The following ST18 variants were observed in gnomAD, a reference collection of about 807,000 sequenced individuals.
ST18 encodes the protein ST18 C2H2C-type zinc finger transcription factor, also known as suppression of tumorigenicity 18 protein.
In ST18, 50 loss-of-function variants were observed where a neutral mutation model predicts 110.0. The ratio of observed to expected loss-of-function variants is 0.45; its 90% CI spans 0.36 to 0.58. The LOEUF is 0.58. Ranked by LOEUF, ST18 falls within the 20% of genes least tolerant of loss-of-function variation. ST18 has a pLI of 0.00. For synonymous variants in ST18, 461 were observed against 452.4 expected (o/e 1.02, Z -0.24); for missense variants, 1,306 against 1,280.1 (o/e 1.02, Z -0.31).
At chr8:52,342,478 T>C (rs1815552346) in intron 2 of ST18, among the ~76,000 whole-genome samples, 1 of 152,244 alleles carries the variant, frequency 6.6e-6, no homozygotes, top group Non-Finnish European at 1.5e-5. Flanking sequence ...TTTATGATGT[T>C]CCAGACCACG....
At chr8:52,240,957 C>T (rs897072209) in intron 2 of ST18, among the ~76,000 whole-genome samples, 7 of 152,320 alleles carry the variant, frequency 4.6e-5, no homozygotes, top group African/African-American at 9.6e-5. Flanking sequence ...CATCACCACC[C>T]GGTTGTCTCT....
intron 2 of ST18, among the ~76,000 whole-genome samples, chr8:52,374,351 G>C (rs1317112403): frequency 6.6e-6 from 1 of 152,002 alleles, no homozygotes; most frequent in East Asian, 1.9e-4. Context: ...AGAAGCCGGG[G>C]AACACAGAGG....
chr8:52,383,517 C>G (rs936388819), intron 2 of ST18, among the ~76,000 whole-genome samples: 13 of 147,042 alleles, frequency 8.8e-5, no homozygotes, highest in Non-Finnish European at 7.5e-5. Context: ...GGCGTGATCT[C>G]AACTCACTGC....
chr8:52,385,227 G>A (rs145544015), intron 2 of ST18, among the ~76,000 whole-genome samples: 63 of 152,296 alleles, frequency 4.1e-4, no homozygotes, highest in South Asian at 8.3e-4. Flanking sequence ...CTCTTGTCAT[G>A]GCTAAGACAT....
intron 2 of ST18, among the ~76,000 whole-genome samples, chr8:52,330,540 AC>A (rs140503836): frequency 0.15 from 23,504 of 152,238 alleles, 2,058 homozygotes; most frequent in African/African-American, 0.25. Context: ...GGGCCCAGGA[AC>A]CTTTTGGTAG....
chr8:52,131,186 T>C (rs959527375), intron 22 of ST18, among the ~76,000 whole-genome samples: 20 of 152,248 alleles, frequency 1.3e-4, no homozygotes, highest in Admixed American at 9.2e-4. Flanking sequence ...TTTACACTGC[T>C]TATATACAAA....
intron 15 of ST18, among the ~76,000 whole-genome samples, chr8:52,156,365 A>C (rs2060017793): frequency 6.6e-6 from 1 of 152,212 alleles, no homozygotes; most frequent in Non-Finnish European, 1.5e-5. Context: ...CAAGACGCTT[A>C]TTTCTACACA....
intron 2 of ST18, among the ~76,000 whole-genome samples, chr8:52,332,324 A>G (rs1025415263): frequency 1.3e-5 from 2 of 152,074 alleles, no homozygotes; most frequent in African/African-American, 4.8e-5. Flanking sequence ...TAACATTTCT[A>G]AGAACTATGA....
At chr8:52,128,498 G>T (rs1383598787) in intron 22 of ST18, among the ~76,000 whole-genome samples, 1 of 152,072 alleles carries the variant, frequency 6.6e-6, no homozygotes, top group Non-Finnish European at 1.5e-5. Flanking sequence ...TTCTCAGATT[G>T]CTATTTTTTT....
chr8:52,133,068 G>A lies in ST18; in HGVS notation c.2433C>T (p.Asp811=), dbSNP rs1007329646. ...ACTGTTGCACTTACTTCAGTTCAGG[G>A]TCTTCTTTTTCTTCCTTGGTAGGGG... The part of the protein sequence containing the change: ...KMTPTKEEKE[D]PELKCPVIGC... The change falls in exon 21 of 26, where the codon GAC becomes GAT. Residue 811 remains aspartate (D), a synonymous_variant. Coordinates refer to ENST00000689386, the MANE Select transcript of ST18 (RefSeq NM_001352837.2). The A allele has an allele frequency of 6.2e-7, 1 of 1,614,114 alleles. No homozygotes were observed. Among genetic ancestry groups the A allele is most frequent in the Admixed American group, 1.7e-5 (1 of 60,012 alleles).
At chr8:52,210,050 T>C in intron 8 of ST18, 3 of 455,862 alleles carry the variant, frequency 6.6e-6, no homozygotes, top group Non-Finnish European at 1.3e-5. Flanking sequence ...CTGAATGACT[T>C]GGTTCCTTTA....
intron 25 of ST18, among the ~76,000 whole-genome samples, chr8:52,114,778 G>C (rs377511585): frequency 1.3e-5 from 2 of 152,124 alleles, no homozygotes; most frequent in Non-Finnish European, 2.9e-5. Context: ...TAAGCTCTCC[G>C]AGCCCTGATT....
intron 2 of ST18, among the ~76,000 whole-genome samples, chr8:52,268,117 G>C (rs1327781736): frequency 6.6e-6 from 1 of 152,174 alleles, no homozygotes; most frequent in Non-Finnish European, 1.5e-5. Context: ...GAGCATTTTG[G>C]TCCAGTGTGA....
At chr8:52,216,259 C>T (rs1386775990) in intron 6 of ST18, among the ~76,000 whole-genome samples, 1 of 152,174 alleles carries the variant, frequency 6.6e-6, no homozygotes, top group East Asian at 1.9e-4. Context: ...CTTGTCACCA[C>T]TCCAGGCAGC....
At chr8:52,192,522 A>G (rs2074879051) in intron 8 of ST18, among the ~76,000 whole-genome samples, 1 of 152,224 alleles carries the variant, frequency 6.6e-6, no homozygotes, top group South Asian at 2.1e-4. Context: ...TGCTAGCCTG[A>G]TGGAGCAGGA....
At chr8:52,212,453 A>T (rs192427498) in intron 7 of ST18, among the ~76,000 whole-genome samples, 2 of 152,336 alleles carry the variant, frequency 1.3e-5, no homozygotes, top group Admixed American at 1.3e-4. Context: ...ATTCAAAAGG[A>T]ATCCCAAGAT....
At chr8:52,249,627 G>A (rs766653890) in intron 2 of ST18, among the ~76,000 whole-genome samples, 1 of 151,988 alleles carries the variant, frequency 6.6e-6, no homozygotes, top group Non-Finnish European at 1.5e-5. Context: ...GTTGCCGAAG[G>A]TCTATTTAAT....
intron 2 of ST18, among the ~76,000 whole-genome samples, chr8:52,302,306 G>A (rs2095737902): frequency 6.6e-6 from 1 of 152,206 alleles, no homozygotes; most frequent in Admixed American, 6.5e-5. Flanking sequence ...TGCTGGACTG[G>A]AATTGGAGGT....
intron 8 of ST18, among the ~76,000 whole-genome samples, chr8:52,193,525 A>G (rs796390270): frequency 3.7e-4 from 56 of 152,340 alleles, no homozygotes; most frequent in African/African-American, 1.3e-3. Context: ...CTGCACTGCA[A>G]TTCAACTTCT....
Sources: gnomAD v4.1 joint callset for allele counts (sites outside exome capture counted in the v4.1 genomes callset) on GRCh38, gnomAD v4.1.1 for gene constraint, MANE v1.5 for transcripts, NCBI Gene and HGNC (gene_info 2026-07-23, HGNC 2026-07-21) for gene names.